ATAD5: variants seen among roughly 807,000 people sequenced by gnomAD.
ATAD5 encodes the protein ATPase family AAA domain containing 5.
A neutral mutation model predicts 176.9 loss-of-function variants in ATAD5; 58 were observed. The ratio of observed to expected loss-of-function variants is 0.33; its 90% CI spans 0.27 to 0.41. The LOEUF (loss-of-function observed/expected upper bound fraction) is 0.41. Ranked by LOEUF, ATAD5 falls within the 10% of genes least tolerant of loss-of-function variation. ATAD5 has a pLI of 1.00. For synonymous variants in ATAD5, 640 were observed against 712.6 expected, an observed-to-expected ratio of 0.90 and a Z score of 1.62; for missense variants, 1,789 against 2,094.1, an observed-to-expected ratio of 0.85 and a Z score of 2.84.
rs764312545 is a variant in ATAD5 at position 30,892,651 on chromosome 17, C to T, written c.4303C>T (p.Leu1435Phe). ...ACAACTAGTTTGCTCTGAACATGGC[C>T]TTGATAACAAAATTTACCCTAAAAA... Reference protein sequence around the residue: ...NVQLVCSEHGLDNKIYPKNTK... With the variant: ...NVQLVCSEHGFDNKIYPKNTK... The change falls in exon 20 of 23, where the codon CTT (leucine) becomes TTT (phenylalanine). Residue 1435 changes from leucine to phenylalanine, a missense_variant. Leu to Phe is a conservative substitution (Grantham distance 22). Transcript: ENST00000321990. 4 of 1,594,020 alleles carry T rather than the reference C, an allele frequency of 2.5e-6. No homozygotes were observed. The East Asian group carries it at 9.1e-5, about 36-fold the overall frequency.
At chr17:30,888,141 A>T (rs1040681537) in intron 19 of ATAD5, among the ~76,000 whole-genome samples, 12 of 152,042 alleles carry the variant, frequency 7.9e-5, no homozygotes, top group South Asian at 2.1e-4. Context: ...CCCAAAAAAA[A>T]ATTTTTTTTA....
At position 30,836,043 on chromosome 17, in the gene ATAD5, T is replaced by C; in HGVS notation, c.1962T>C (p.Pro654=). ...CAGTACCCTTTGATTCAGAGAGCCC[T>C]ATTAGGTAAGGTTTGTTTTTGTTCT... ...LITVPFDSES[P]IRMKFTRIST... Residue 654 remains proline, a synonymous_variant, in exon 2 of 23, where the codon CCT becomes CCC. Transcript: ENST00000321990. The C allele has an allele frequency of 1.3e-6, 2 of 1,587,080 alleles. No individual in the cohort carries two copies. The highest frequency in any genetic ancestry group is 1.7e-6 in the Non-Finnish European group (2 of 1,169,664).
chr17:30,879,360 A>C (rs1908874415), intron 17 of ATAD5, 63 bp from the exon 18 acceptor site: 1 of 1,556,338 alleles, frequency 6.4e-7, no homozygotes, highest in Non-Finnish European at 8.8e-7. Context: ...ATAACTTGAA[A>C]AAGTTATTTA....
chr17:30,888,822 C>T (rs1291047481), intron 19 of ATAD5, among the ~76,000 whole-genome samples: 5 of 151,994 alleles, frequency 3.3e-5, no homozygotes, highest in Admixed American at 3.3e-4. Flanking sequence ...AATCCCAGCA[C>T]TTTGGAAGGC....
intron 19 of ATAD5, among the ~76,000 whole-genome samples, chr17:30,890,005 C>G (rs966921446): frequency 2.0e-5 from 3 of 150,812 alleles, no homozygotes; most frequent in Non-Finnish European, 2.9e-5. Context: ...GTCTTCCGCC[C>G]TGAGCCTCCT....
At chr17:30,887,895 G>A (rs1219093360) in intron 19 of ATAD5, among the ~76,000 whole-genome samples, 7 of 151,992 alleles carry the variant, frequency 4.6e-5, no homozygotes, top group African/African-American at 1.7e-4. Context: ...GCAGTGGTGC[G>A]ATCTCGGCTC....
At chr17:30,889,076 A>T (rs9914638) in intron 19 of ATAD5, among the ~76,000 whole-genome samples, 15,542 of 150,082 alleles carry the variant, frequency 0.1, 935 homozygotes, top group South Asian at 0.24. Context: ...AAAAAAAAAA[A>T]TTAAAAAACA....
chr17:30,894,524 T>G, intron 21 of ATAD5, 40 bp from the exon 22 acceptor site: 1 of 1,573,892 alleles, frequency 6.4e-7, no homozygotes, highest in Non-Finnish European at 8.6e-7. Context: ...TGCATTTTTC[T>G]TGGGCATTAA....
At chr17:30,867,353 T>C (rs1212884772) in intron 11 of ATAD5, among the ~76,000 whole-genome samples, 1 of 151,996 alleles carries the variant, frequency 6.6e-6, no homozygotes, top group Non-Finnish European at 1.5e-5. Context: ...TGAGCTATGA[T>C]CGCACCCCTA....
At chr17:30,878,728 T>TG (rs1908826905) in intron 17 of ATAD5, among the ~76,000 whole-genome samples, 1 of 95,872 alleles carries the variant, frequency 1.0e-5, no homozygotes, top group Non-Finnish European at 2.2e-5. Flanking sequence ...GTTTTTTTTT[T>TG]TTTTTTTTTT....
intron 3 of ATAD5, among the ~76,000 whole-genome samples, 180 bp downstream of exon 3, chr17:30,837,494 A>T (rs773720260): frequency 6.6e-6 from 1 of 152,212 alleles, no homozygotes; most frequent in Non-Finnish European, 1.5e-5. Context: ...GTTAATTAAG[A>T]TATCTTATTG....
chr17:30,843,225 G>C (rs915000224), intron 4 of ATAD5, among the ~76,000 whole-genome samples: 1 of 151,738 alleles, frequency 6.6e-6, no homozygotes, highest in Non-Finnish European at 1.5e-5. Flanking sequence ...GGTGGTGTGC[G>C]CCTGTAGTCC....
Position 30,835,726 on chromosome 17 carries a change from C to T in ATAD5, c.1645C>T (p.Leu549Phe). Residue 549 changes from leucine to phenylalanine, a missense_variant, in exon 2 of 23, where the codon CTT becomes TTT. Coordinates refer to ENST00000321990, the MANE Select transcript of ATAD5 (RefSeq NM_024857.5). ...LVYEDIANDD[L>F]LKVSSLCNNN... Reference sequence around the variant, plus strand: ...TTATGAAGATATAGCAAATGATGACCTTCTAAAGGTTTCCTCTCTGTGTAA... The same window carrying T: ...TTATGAAGATATAGCAAATGATGACTTTCTAAAGGTTTCCTCTCTGTGTAA... 1 of 1,611,588 alleles carries T rather than the reference C, an allele frequency of 6.2e-7. No homozygotes were observed.
chr17:30,878,548 CTCAT>C (rs953022247), intron 17 of ATAD5, among the ~76,000 whole-genome samples: 26 of 151,972 alleles, frequency 1.7e-4, no homozygotes, highest in South Asian at 2.1e-4. Context: ...ATTTTAAAAA[CTCAT>C]TCAATTTCTT....
intron 19 of ATAD5, among the ~76,000 whole-genome samples, chr17:30,890,418 C>CTTTTTTTTT (rs968126768): frequency 1.8e-3 from 193 of 106,656 alleles, no homozygotes; most frequent in Non-Finnish European, 2.4e-3. Flanking sequence ...CTCTTCTTTT[C>CTTTTTTTTT]TTTTTTTTTT....
chr17:30,879,492 G>A lies in ATAD5; in HGVS notation c.4077+5G>A. 6.3e-7 allele frequency: 1 copy of A among 1,583,464 alleles called. No homozygotes were observed. The highest frequency in any genetic ancestry group is 8.5e-7 in the Non-Finnish European group (1 of 1,170,814). On this transcript the variant is annotated splice_donor_5th_base_variant and intron_variant, in intron 18 of 22. Coordinates refer to ENST00000321990, the MANE Select transcript of ATAD5 (RefSeq NM_024857.5). ...AAGTTCAGTACTCCTTCCCTGGTAA[G>A]TTTTAAATTTTGATAGCCACAAATT...
intron 12 of ATAD5, among the ~76,000 whole-genome samples, chr17:30,869,019 T>A (rs1908179013): frequency 6.6e-6 from 1 of 151,286 alleles, no homozygotes; most frequent in Non-Finnish European, 1.5e-5. Flanking sequence ...GTATTTTTAG[T>A]AGAGATGGGG....
In ATAD5 at chr17:30,869,408, TG is replaced by T. The variant is rs773297957; in HGVS notation, c.3456+19del. 5 of 1,610,446 alleles carry T rather than the reference TG, an allele frequency of 3.1e-6. No homozygotes were observed. The African/African-American group carries it at 6.7e-5, about 22-fold the overall frequency. On this transcript the variant is annotated intron_variant, in intron 13 of 22. Coordinates refer to ENST00000321990, the MANE Select transcript of ATAD5 (RefSeq NM_024857.5). The stretch of plus-strand genomic sequence containing the variant: ...GATTTAAGGTTAGTAACAGCTATGA[TG>T]AGAGAATGTTAATGTAATAATTACC...
At chr17:30,862,929 C>T (rs996756026) in intron 10 of ATAD5, 4 of 151,944 alleles carry the variant, frequency 2.6e-5, no homozygotes, top group Non-Finnish European at 5.9e-5. Flanking sequence ...CATGGCTCAT[C>T]CCTATAATCC....
Sources: gnomAD v4.1 joint callset for allele counts (sites outside exome capture counted in the v4.1 genomes callset) on GRCh38, gnomAD v4.1.1 for gene constraint, MANE v1.5 for transcripts, NCBI Gene and HGNC (gene_info 2026-07-23, HGNC 2026-07-21) for gene names.